The following CNKSR1 variants were observed in gnomAD, a reference collection of about 807,000 sequenced individuals.
The protein encoded by CNKSR1 is connector enhancer of kinase suppressor of Ras 1.
Under a neutral mutation model 95.6 loss-of-function variants are expected in CNKSR1, and 88 were observed. The observed-to-expected ratio is 0.92, with a 90% CI of 0.78 to 1.10. The LOEUF (loss-of-function observed/expected upper bound fraction) is 1.10. CNKSR1 is among the 50% of genes least tolerant of loss of function. CNKSR1 has a pLI of 0.00. For synonymous variants in CNKSR1, 355 were observed against 369.7 expected, an observed-to-expected ratio of 0.96 and a Z score of 0.46; for missense variants, 836 against 912.0, an observed-to-expected ratio of 0.92 and a Z score of 1.07.
intron 15 of CNKSR1, 66 bp downstream of exon 15, chr1:26,187,307 A>G: frequency 1.9e-6 from 3 of 1,586,676 alleles, no homozygotes; most frequent in Non-Finnish European, 1.7e-6. Context: ...GTGATGGGGT[A>G]GCAGTGGGAG....
rs1337492555 is a variant in CNKSR1, at chr1:26,177,530, A to T, written c.-18A>T. On this transcript the variant is annotated 5_prime_UTR_variant, in exon 1 of 21. Coordinates refer to ENST00000361530, the MANE Select transcript of CNKSR1 (RefSeq NM_006314.3). ...GCAGGGCAAAACAGGAGCTGATTCG[A>T]GCTGGCAGAGCTGGGCCATGGAACC... 1.2e-6 allele frequency: 2 copies of T among 1,613,880 alleles called. No individual in the cohort carries two copies. Among genetic ancestry groups the T allele is most frequent in the South Asian group, 2.2e-5 (2 of 91,006 alleles).
intron 13 of CNKSR1, 39 bp from the exon 14 acceptor site, chr1:26,184,975 C>G: frequency 6.4e-7 from 1 of 1,551,726 alleles, no homozygotes; most frequent in Non-Finnish European, 8.7e-7. Flanking sequence ...GGGCACCTTG[C>G]CAGCCCCTCA....
Position 26,180,610 on chromosome 1 carries a change from GGTGA to G in CNKSR1, c.210+5_210+8del, listed in dbSNP as rs1273393077. The stretch of plus-strand genomic sequence containing the variant: ...GCGGGGTGGAACAGCTCCAGGCCCT[GGTGA>G]GTGAATGCTGGTCACACTGGCTGCA... On this transcript the variant is annotated splice_donor_variant and splice_donor_region_variant and intron_variant, in intron 2 of 20. Coordinates refer to ENST00000361530, the MANE Select transcript of CNKSR1 (RefSeq NM_006314.3). LOFTEE classifies it high-confidence loss of function. 1 of 1,614,212 alleles carries G rather than the reference GGTGA, an allele frequency of 6.2e-7. No homozygotes were observed. Among genetic ancestry groups the G allele is most frequent in the East Asian group, 2.2e-5 (1 of 44,884 alleles).
At chr1:26,183,170 C>G (rs762661593) in intron 6 of CNKSR1, 27 bp from the exon 7 acceptor site, 2 of 1,613,104 alleles carry the variant, frequency 1.2e-6, no homozygotes, top group African/African-American at 2.7e-5. Context: ...CCCCAGCCCC[C>G]GGTGACTATA....
chr1:26,181,005 C>T (rs1232707913), intron 3 of CNKSR1, 109 bp downstream of exon 3: 18 of 1,390,232 alleles, frequency 1.3e-5, no homozygotes, highest in South Asian at 2.4e-5. Context: ...GTGAGCCAGG[C>T]GTGGTGGCTT....
At chr1:26,178,594 A>G (rs1312061664) in intron 1 of CNKSR1, among the ~76,000 whole-genome samples, 1 of 152,170 alleles carries the variant, frequency 6.6e-6, no homozygotes, top group Non-Finnish European at 1.5e-5. Flanking sequence ...AGACAGGCTC[A>G]GGAGGACCAG....
At chr1:26,180,349 A>G in intron 1 of CNKSR1, 104 bp from the exon 2 acceptor site, 2 of 1,414,372 alleles carry the variant, frequency 1.4e-6, no homozygotes, top group Middle Eastern at 2.4e-4. Flanking sequence ...CAGAGTTGTC[A>G]TTAGGGTTAG....
rs556930876 is a variant in CNKSR1 at position 26,181,050 on chromosome 1, C to T, written c.392+154C>T. On this transcript the variant is annotated intron_variant, in intron 3 of 20. Transcript: ENST00000361530. ...ATCCCAGCACTTTGGGAGGCCGAAG[C>T]GGGCAGATCACTTGAGGTCAGGAGT... The T allele has an allele frequency of 5.0e-5, 44 of 881,716 alleles. 1 individual carries two copies. Among genetic ancestry groups the T allele is most frequent in the South Asian group, 3.0e-4 (21 of 70,576 alleles). The allele number at this position is 881,716 out of a possible 1,614,324, so 54.6% of individuals were successfully genotyped here.
intron 6 of CNKSR1, among the ~76,000 whole-genome samples, chr1:26,182,956 T>C (rs2088672449): frequency 3.3e-5 from 5 of 152,084 alleles, no homozygotes; most frequent in Non-Finnish European, 4.4e-5. Flanking sequence ...GGAATGTTGC[T>C]GAGAAGCTGG....
chr1:26,187,467 T>TG lies in CNKSR1; in HGVS notation c.1440dup (p.Thr481AspfsTer34), dbSNP rs1284528067. On this transcript the variant is annotated frameshift_variant, in exon 16 of 21. Transcript: ENST00000361530. LOFTEE classifies it high-confidence loss of function. ...CCCTTCATCTTCGCTGCTGATACCC[T>TG]GACAGATCTGAGCATGTGAGTGCCG... 3 of 1,613,964 alleles carry TG rather than the reference T, an allele frequency of 1.9e-6. No individual in the cohort carries two copies. The African/African-American group carries it at 4.0e-5, about 22-fold the overall frequency.
At chr1:26,187,702 A>C (rs1187867115) in intron 16 of CNKSR1, among the ~76,000 whole-genome samples, 1 of 147,806 alleles carries the variant, frequency 6.8e-6, no homozygotes, top group East Asian at 2.0e-4. Flanking sequence ...GGCTCACTGC[A>C]ATCTCCGCCT....
intron 16 of CNKSR1, among the ~76,000 whole-genome samples, 183 bp from the exon 17 acceptor site, chr1:26,188,051 G>A (rs746136483): frequency 2.6e-5 from 4 of 152,030 alleles, no homozygotes; most frequent in Non-Finnish European, 4.4e-5. Flanking sequence ...GCGAGCCACC[G>A]CACGCAGCCA....
chr1:26,180,647 C>A (rs747539721), intron 2 of CNKSR1, 37 bp downstream of exon 2: 2 of 1,614,120 alleles, frequency 1.2e-6, no homozygotes, highest in Non-Finnish European at 1.7e-6. Context: ...GCAGCTTCCA[C>A]CAACCTGGGG....
chr1:26,182,248 G>A, intron 4 of CNKSR1, 113 bp from the exon 5 acceptor site: 1 of 1,104,788 alleles, frequency 9.1e-7, no homozygotes, highest in Non-Finnish European at 1.4e-6. Flanking sequence ...CAGGGGGCCA[G>A]TGTAGGGAAG....
chr1:26,184,472 G>C lies in CNKSR1; in HGVS notation c.1072G>C (p.Ala358Pro). 6.2e-7 allele frequency: 1 copy of C among 1,613,246 alleles called. No homozygotes were observed. The highest frequency in any genetic ancestry group is 2.2e-5 in the East Asian group (1 of 44,822). Residue 358 changes from alanine (A) to proline (P), a missense_variant, in exon 12 of 21, where the codon GCA (alanine) becomes CCA (proline). By Grantham distance (27) the Ala-to-Pro change is conservative. Transcript: ENST00000361530. ...CCCAGCCATACTCCCAGCAGGGGTA[G>C]CAGGGACTCCAGGGCTCCCTGAATC... is the stretch of plus-strand genomic sequence containing the variant. ...EPPAILPAGV[A>P]GTPGLPESPD... is the part of the protein sequence containing the mutation.
At position 26,184,005 on chromosome 1, in the gene CNKSR1, C is replaced by T. The variant is rs184934373; in HGVS notation, c.856-66C>T. Reference sequence around the variant, plus strand: ...GTACCTGCTCCTGCTGCTCCCCTACCCCTGTTGCCCCCCAACCTGCTTTCA... The same window carrying T: ...GTACCTGCTCCTGCTGCTCCCCTACTCCTGTTGCCCCCCAACCTGCTTTCA... On this transcript the variant is annotated intron_variant, in intron 9 of 20. Coordinates refer to ENST00000361530, the MANE Select transcript of CNKSR1 (RefSeq NM_006314.3). 1,217 of 1,116,146 alleles carry T rather than the reference C, an allele frequency of 1.1e-3. 11 individuals are homozygous for T. In the African/African-American group the frequency reaches 0.013, roughly 12 times the overall value. The allele number at this position is 1,116,146 out of a possible 1,614,324, so 69.1% of individuals were successfully genotyped here.
chr1:26,185,079 G>C lies in CNKSR1; in HGVS notation c.1201G>C (p.Gly401Arg). 1 of 1,605,936 alleles carries C rather than the reference G, an allele frequency of 6.2e-7. No homozygotes were observed. The highest frequency in any genetic ancestry group is 8.5e-7 in the Non-Finnish European group (1 of 1,178,300). Residue 401 changes from glycine to arginine, a missense_variant, in exon 14 of 21, where the codon GGC becomes CGC. By Grantham distance (125) the Gly-to-Arg change is moderately radical. Coordinates refer to ENST00000361530, the MANE Select transcript of CNKSR1 (RefSeq NM_006314.3). ...TGAGCTGGGCCGGCCGGACTGTGAC[G>C]GCTGGCTCCTGTTGCGAAAGGCACC... ...CRELGRPDCD[G>R]WLLLRKAPGG... is the part of the protein sequence containing the mutation.
rs185053012 is a variant in CNKSR1, at chr1:26,188,586, C to T, written c.1591-12C>T. On this transcript the variant is annotated splice_polypyrimidine_tract_variant and intron_variant, in intron 18 of 20. Transcript: ENST00000361530. ...AGACAGAAACCCTCTGTGCTTTCCA[C>T]CCTGCCTGCAGCCCAGCCCTGCTCA... is the stretch of plus-strand genomic sequence containing the variant. 923 of 1,613,434 alleles carry T rather than the reference C, an allele frequency of 5.7e-4. 6 individuals are homozygous for T. In the Admixed American group the frequency reaches 0.013, roughly 23 times the overall value.
intron 1 of CNKSR1, among the ~76,000 whole-genome samples, chr1:26,179,815 G>C (rs1472865127): frequency 1.3e-5 from 2 of 152,140 alleles, no homozygotes. Context: ...TCAAACTTAA[G>C]GGAGCATCAC....
Sources: gnomAD v4.1 joint callset for allele counts (sites outside exome capture counted in the v4.1 genomes callset) on GRCh38, gnomAD v4.1.1 for gene constraint, MANE v1.5 for transcripts, NCBI Gene and HGNC (gene_info 2026-07-23, HGNC 2026-07-21) for gene names.